The following FRAS1 variants were observed in gnomAD, a reference collection of about 807,000 sequenced individuals.
The protein encoded by FRAS1 is extracellular matrix organizing protein FRAS1.
FRAS1 carries 290 observed loss-of-function variants against 435.2 expected under a neutral mutation model. The ratio of observed to expected loss-of-function variants is 0.67; its 90% CI spans 0.61 to 0.73. The LOEUF (loss-of-function observed/expected upper bound fraction) is 0.73, where lower values mean the gene tolerates loss of function less well. FRAS1 is among the 30% of genes least tolerant of loss of function. The pLI, the probability that FRAS1 is intolerant of heterozygous loss-of-function variation, is 0.00. For missense variants in FRAS1, 4,860 were observed against 5,001.5 expected (o/e 0.97, Z 0.85); for synonymous variants, 1,800 against 1,851.0 (o/e 0.97, Z 0.71).
chr4:78,475,753 C>G (rs1719836463), intron 54 of FRAS1, 147 bp downstream of exon 54: 2 of 701,556 alleles, frequency 2.9e-6, no homozygotes, highest in African/African-American at 1.8e-5. Context: ...TGTTCCCCTC[C>G]CATAGTACTT....
intron 2 of FRAS1, among the ~76,000 whole-genome samples, chr4:78,094,711 G>C (rs551943523): frequency 6.6e-6 from 1 of 152,074 alleles, no homozygotes; most frequent in Admixed American, 6.6e-5. Context: ...AACTTTAATA[G>C]AACCTGTTTA....
At chr4:78,101,454 A>G (rs9999763) in intron 2 of FRAS1, among the ~76,000 whole-genome samples, 33,022 of 152,138 alleles carry the variant, frequency 0.22, 3,947 homozygotes, top group Admixed American at 0.29. Context: ...TCACATCAAC[A>G]AAAACCAAAA....
chr4:78,274,152 G>C (rs1726869463), intron 9 of FRAS1, among the ~76,000 whole-genome samples: 3 of 152,112 alleles, frequency 2.0e-5, no homozygotes, highest in Admixed American at 2.0e-4. Flanking sequence ...TGTGGGATAG[G>C]TGTTGATATC....
chr4:78,420,944 A>G (rs1167688603), intron 33 of FRAS1, among the ~76,000 whole-genome samples: 7 of 138,518 alleles, frequency 5.1e-5, no homozygotes, highest in African/African-American at 1.6e-4. Flanking sequence ...GAGTTTATTA[A>G]GTATTAACTC....
chr4:78,192,394 G>A (rs1285609718), intron 2 of FRAS1, among the ~76,000 whole-genome samples: 1 of 151,854 alleles, frequency 6.6e-6, no homozygotes, highest in Admixed American at 6.6e-5. Flanking sequence ...GAATTCGGCT[G>A]TGAATCCTGG....
chr4:78,279,822 T>C (rs979021041), intron 10 of FRAS1, among the ~76,000 whole-genome samples: 3 of 152,216 alleles, frequency 2.0e-5, no homozygotes, highest in African/African-American at 7.2e-5. Flanking sequence ...CCAGTCAGAA[T>C]AGGATTACAG....
chr4:78,337,871 CT>C (rs1730239263), intron 20 of FRAS1, 54 bp downstream of exon 20: 4 of 1,593,866 alleles, frequency 2.5e-6, no homozygotes, highest in Non-Finnish European at 3.4e-6. Context: ...TGCCGGGGCT[CT>C]TCATACCAGG....
intron 46 of FRAS1, 94 bp downstream of exon 46, chr4:78,451,985 C>T: frequency 7.4e-7 from 1 of 1,357,340 alleles, no homozygotes. Flanking sequence ...TCGAGTCCTT[C>T]CCTTTACCTA....
chr4:78,496,023 A>T (rs1364591606), intron 59 of FRAS1, among the ~76,000 whole-genome samples: 2 of 152,214 alleles, frequency 1.3e-5, no homozygotes, highest in African/African-American at 4.8e-5. Context: ...CTCTCTACTC[A>T]TATATCCTTT....
chr4:78,475,755 A>G (rs1326094062), intron 54 of FRAS1, 149 bp downstream of exon 54: 3 of 697,356 alleles, frequency 4.3e-6, no homozygotes, highest in Non-Finnish European at 6.6e-6. Context: ...TTCCCCTCCC[A>G]TAGTACTTTG....
At chr4:78,116,764 T>G (rs1435749471) in intron 2 of FRAS1, among the ~76,000 whole-genome samples, 1 of 152,228 alleles carries the variant, frequency 6.6e-6, no homozygotes, top group Non-Finnish European at 1.5e-5. Flanking sequence ...AGCACACTGA[T>G]TGGTCTTGAC....
chr4:78,318,144 T>G (rs1240855610), intron 17 of FRAS1, among the ~76,000 whole-genome samples: 2 of 152,242 alleles, frequency 1.3e-5, no homozygotes, highest in Middle Eastern at 3.2e-3. Context: ...GAACAATGTA[T>G]TTGAAACAGG....
chr4:78,407,855 C>T lies in FRAS1; in HGVS notation c.4308+14C>T, dbSNP rs760423047. On this transcript the variant is annotated intron_variant, in intron 31 of 73. Coordinates refer to ENST00000512123, the MANE Select transcript of FRAS1 (RefSeq NM_025074.7). Reference sequence around the variant, plus strand: ...TTCCGCTTCGAGGTACCCTCTGCTTCCTGACTTTTCTGAAGTCTGATGAAT... The same window carrying T: ...TTCCGCTTCGAGGTACCCTCTGCTTTCTGACTTTTCTGAAGTCTGATGAAT... 3 of 1,574,590 alleles carry T rather than the reference C, an allele frequency of 1.9e-6. No homozygotes were observed. The highest frequency in any genetic ancestry group is 1.7e-6 in the Non-Finnish European group (2 of 1,159,084).
At chr4:78,109,779 G>GA (rs1468742527) in intron 2 of FRAS1, among the ~76,000 whole-genome samples, 5 of 18,056 alleles carry the variant, frequency 2.8e-4, no homozygotes, top group African/African-American at 5.3e-4. Flanking sequence ...GAAATAAAGG[G>GA]TATTCAATTA....
chr4:78,361,204 G>A (rs1259855821), intron 20 of FRAS1, among the ~76,000 whole-genome samples: 2 of 152,192 alleles, frequency 1.3e-5, no homozygotes, highest in Non-Finnish European at 2.9e-5. Context: ...ACACAGCTGG[G>A]ATTGTGCTCC....
rs71661163 is a variant in FRAS1 at position 78,388,331 on chromosome 4, C to CAA, written c.3975+644_3975+645dup. Among the ~76,000 whole-genome samples, 183 of 93,186 alleles carry CAA rather than the reference C, an allele frequency of 2.0e-3. 1 individual carries two copies. The highest frequency in any genetic ancestry group is 3.8e-3 in the African/African-American group (117 of 30,842). The allele number at this position is 93,186 out of a possible 152,430, so 61.1% of individuals were successfully genotyped here. On this transcript the variant is annotated intron_variant, in intron 29 of 73. Coordinates refer to ENST00000512123, the MANE Select transcript of FRAS1 (RefSeq NM_025074.7). ...CAGAGAGAGACTCCGTCTCAAAAAC[C>CAA]AAAAAAAAAAAAAAACAAAAAAAAC...
At position 78,198,762 on chromosome 4, in the gene FRAS1, A is replaced by G. The variant is rs145964165; in HGVS notation, c.109-38748A>G. On this transcript the variant is annotated intron_variant, in intron 2 of 73. Transcript: ENST00000512123. ...TTCTTCACTTCCTCACCTATTCAAC[A>G]TGAAGATGATGAAGATGAGGACCTT... Among the ~76,000 whole-genome samples, 969 of 152,252 alleles carry G rather than the reference A, an allele frequency of 6.4e-3. 14 individuals carry two copies. Among genetic ancestry groups the G allele is most frequent in the African/African-American group, 0.022 (903 of 41,552 alleles).
chr4:78,293,869 C>A (rs904538905), intron 14 of FRAS1, among the ~76,000 whole-genome samples: 2 of 152,322 alleles, frequency 1.3e-5, no homozygotes, highest in East Asian at 3.9e-4. Flanking sequence ...CACTTCTAGA[C>A]CCTTGCTGTG....
chr4:78,273,264 G>T (rs1320201791), intron 9 of FRAS1, among the ~76,000 whole-genome samples: 1 of 152,142 alleles, frequency 6.6e-6, no homozygotes, highest in East Asian at 1.9e-4. Context: ...TGCAAATAGG[G>T]ACAATTTGAC....
Sources: gnomAD v4.1 joint callset for allele counts (sites outside exome capture counted in the v4.1 genomes callset) on GRCh38, gnomAD v4.1.1 for gene constraint, MANE v1.5 for transcripts, NCBI Gene and HGNC (gene_info 2026-07-23, HGNC 2026-07-21) for gene names.